Variants in MROH2A observed in about 807,000 individuals in gnomAD.
MROH2A encodes maestro heat like repeat family member 2A, also known as maestro heat-like repeat-containing protein family member 2A.
MROH2A carries 174 observed loss-of-function variants against 200.4 expected under a neutral mutation model. That is an observed-to-expected ratio of 0.87 (90% confidence interval 0.77 to 0.98). The LOEUF (loss-of-function observed/expected upper bound fraction) is 0.98, where lower values mean the gene tolerates loss of function less well. Ranked by LOEUF, MROH2A falls within the 50% of genes least tolerant of loss-of-function variation. MROH2A has a pLI of 0.00. For missense variants in MROH2A, 2,045 were observed against 2,139.6 expected (o/e 0.96, Z 0.87); for synonymous variants, 829 against 840.4 (o/e 0.99, Z 0.23).
In MROH2A at chr2:233,830,599, G is replaced by GGGTGGCCCAGGTGGGATGGCCCA. The variant is rs144999027; in HGVS notation, c.4603-787_4603-765dup. ...GTGGAGCGGGTGGCCCAGATGGCCT[G>GGGTGGCCCAGGTGGGATGGCCCA]GGTGGCCCAGGTGGGATGGCCCAGG... On this transcript the variant is annotated intron_variant, in intron 38 of 41. Transcript: ENST00000389758. Among the ~76,000 whole-genome samples the GGGTGGCCCAGGTGGGATGGCCCA allele has an allele frequency of 3.4e-4, 52 of 151,716 alleles. No homozygotes were observed. The Middle Eastern group carries it at 0.01, about 30-fold the overall frequency.
Position 233,829,679 on chromosome 2 carries a change from C to A in MROH2A, c.4506C>A (p.Val1502=), listed in dbSNP as rs1335726440. 25 of 1,490,742 alleles carry A rather than the reference C, an allele frequency of 1.7e-5. No individual in the cohort carries two copies. The highest frequency in any genetic ancestry group is 2.2e-5 in the Non-Finnish European group (25 of 1,117,830). 92.3% of individuals were successfully genotyped at this position (1,490,742 alleles called of 1,614,324 possible). Residue 1502 remains valine (V), a synonymous_variant, in exon 38 of 42, where the codon GTC becomes GTA. Transcript: ENST00000389758. ...TCTTTGGAAAGCTGGCAAGGGTGGTCGGGATGTCCAAGAAGCATTTCTTCA... is the reference window on the plus strand; with the variant it reads ...TCTTTGGAAAGCTGGCAAGGGTGGTAGGGATGTCCAAGAAGCATTTCTTCA... ...FILFGKLARV[V]GMSKKHFFKG... is the part of the protein sequence containing the mutation.
chr2:233,780,042 C>G lies in MROH2A; in HGVS notation c.276+190C>G, dbSNP rs1225603431. Among the ~76,000 whole-genome samples, 3 of 152,194 alleles carry G rather than the reference C, an allele frequency of 2.0e-5. No individual in the cohort carries two copies. In the East Asian group the frequency reaches 5.8e-4, roughly 29 times the overall value. ...GAGATGTTCATAATTTTTAAAAGTT[C>G]CCTTGTCTTCTGACACAGTGGGTTT... is the stretch of plus-strand genomic sequence containing the variant. On this transcript the variant is annotated intron_variant, in intron 3 of 41. Transcript: ENST00000389758.
intron 28 of MROH2A, among the ~76,000 whole-genome samples, 193 bp downstream of exon 28, chr2:233,818,318 G>A (rs1703687101): frequency 6.6e-6 from 1 of 152,196 alleles, no homozygotes; most frequent in South Asian, 2.1e-4. Context: ...CTTCCAGAAG[G>A]AGAGGTTCAT....
intron 31 of MROH2A, among the ~76,000 whole-genome samples, chr2:233,821,383 C>T (rs1259038091): frequency 6.6e-6 from 1 of 152,174 alleles, no homozygotes; most frequent in East Asian, 1.9e-4. Flanking sequence ...TACTCCTGCC[C>T]CCAGGCCCCC....
intron 1 of MROH2A, 44 bp from the exon 2 acceptor site, chr2:233,779,301 G>C: frequency 7.9e-7 from 1 of 1,260,810 alleles, no homozygotes; most frequent in Non-Finnish European, 1.1e-6. Context: ...ATCTTAAGGT[G>C]TGTGTCACAC....
chr2:233,793,852 T>G, intron 7 of MROH2A, 28 bp downstream of exon 7: 2 of 1,372,222 alleles, frequency 1.5e-6, no homozygotes, highest in Non-Finnish European at 1.9e-6. Context: ...TAGGAGGGCC[T>G]GGTGGTCCCC....
Position 233,819,349 on chromosome 2 carries a change from G to A in MROH2A, c.3237G>A (p.Val1079=). 6.4e-7 allele frequency: 1 copy of A among 1,550,500 alleles called. No homozygotes were observed. Among genetic ancestry groups the A allele is most frequent in the East Asian group, 2.4e-5 (1 of 40,916 alleles). Reference sequence around the variant, plus strand: ...GCATGGAGTTTAGCTGCGATGAGGTGGTCTCGCTCATCCAGAAGCTCTGCG... The same window carrying A: ...GCATGGAGTTTAGCTGCGATGAGGTAGTCTCGCTCATCCAGAAGCTCTGCG... ...VVCMEFSCDE[V]VSLIQKLCEN... Residue 1079 remains valine, a synonymous_variant, in exon 30 of 42, where the codon GTG becomes GTA. Transcript: ENST00000389758.
rs141259399 is a variant in MROH2A, at chr2:233,794,375, G to A, written c.835G>A (p.Val279Met). The part of the protein sequence containing the change: ...RHYNPEVKLG[V>M]IKSLKPMLGL... ...TTTCTGGTGGCAGGTGAAGCTGGGG[G>A]TGATCAAGTCCCTGAAGCCCATGCT... is the stretch of plus-strand genomic sequence containing the variant. The change falls in exon 8 of 42, where the codon GTG (valine) becomes ATG (methionine). Residue 279 changes from valine (V) to methionine (M), a missense_variant. Physicochemically the swap from Val to Met is conservative, Grantham distance 21 (BLOSUM62 1). Around this residue, in one of 3 missense-constraint regions of MROH2A, gnomAD observed 831 missense variants for 800.0 expected, o/e 1.04. Coordinates refer to ENST00000389758, the MANE Select transcript of MROH2A (RefSeq NM_001394639.1). The A allele has an allele frequency of 3.2e-4, 490 of 1,550,386 alleles. 2 individuals carry two copies. The African/African-American group carries it at 5.8e-3, about 18-fold the overall frequency.
intron 3 of MROH2A, among the ~76,000 whole-genome samples, chr2:233,781,112 A>G (rs772050142): frequency 6.6e-6 from 1 of 152,134 alleles, no homozygotes; most frequent in Non-Finnish European, 1.5e-5. Context: ...TGTGTATACC[A>G]CATTTTCTTT....
At position 233,828,520 on chromosome 2, in the gene MROH2A, C is replaced by A; in HGVS notation, c.4114-110C>A. On this transcript the variant is annotated intron_variant, in intron 35 of 41. Transcript: ENST00000389758. This position sits in a 1 kb window ranked among gnomAD's most constrained non-coding sequence, Gnocchi z 4.6. ...AAACGGAGGCTCTCAGAGCCCCTCC[C>A]CTCCTGTCCACAGAGCCACCAATCT... 1.5e-6 allele frequency: 2 copies of A among 1,351,258 alleles called. No individual in the cohort carries two copies. The highest frequency in any genetic ancestry group is 1.5e-5 in the South Asian group (1 of 68,600). 83.7% of individuals were successfully genotyped at this position (1,351,258 alleles called of 1,614,324 possible).
Position 233,796,017 on chromosome 2 carries a change from G to A in MROH2A, c.1110G>A (p.Met370Ile). ...ATCAGTACAGCAGCCAGAATCTGAT[G>A]GAGATGGTGCACTGCTTCGTAGCCC... is the stretch of plus-strand genomic sequence containing the variant. ...AQHQYSSQNL[M>I]EMVHCFVALA... Residue 370 changes from methionine to isoleucine, a missense_variant, in exon 10 of 42, where the codon ATG becomes ATA. This residue lies in a region of MROH2A where 831 missense variants were observed against 800.0 expected (regional missense o/e 1.04). Coordinates refer to ENST00000389758, the MANE Select transcript of MROH2A (RefSeq NM_001394639.1). 6.4e-7 allele frequency: 1 copy of A among 1,550,578 alleles called. No homozygotes were observed. The highest frequency in any genetic ancestry group is 8.7e-7 in the Non-Finnish European group (1 of 1,146,960).
chr2:233,829,544 AT>A (rs1170836124), intron 37 of MROH2A, 75 bp from the exon 38 acceptor site: 3 of 1,318,354 alleles, frequency 2.3e-6, no homozygotes, highest in African/African-American at 1.5e-5. Flanking sequence ...GGCATTGGGT[AT>A]TCCTTGGAGA....
rs1457354813 is a variant in MROH2A, at chr2:233,833,274, A to G, written c.*15A>G. 4 of 1,513,410 alleles carry G rather than the reference A, an allele frequency of 2.6e-6. No homozygotes were observed. Among genetic ancestry groups the G allele is most frequent in the Non-Finnish European group, 1.8e-6 (2 of 1,134,186 alleles). 93.7% of individuals were successfully genotyped at this position (1,513,410 alleles called of 1,614,324 possible). A position where few individuals can be genotyped will look rare whatever the true frequency, so the allele number is the denominator to read the frequency against. ...GAATGTCCTAGGTGGTCCAAACATA[A>G]GACGTAAACTGTCTTCTTAGTGCCA... On this transcript the variant is annotated 3_prime_UTR_variant, in exon 42 of 42. Transcript: ENST00000389758.
chr2:233,805,965 T>C (rs1346378672), intron 19 of MROH2A, among the ~76,000 whole-genome samples: 1 of 152,188 alleles, frequency 6.6e-6, no homozygotes, highest in Non-Finnish European at 1.5e-5. Flanking sequence ...TATAAAATTC[T>C]AGAAAAACAC....
intron 28 of MROH2A, 76 bp from the exon 29 acceptor site, chr2:233,818,576 C>CA: frequency 3.3e-6 from 3 of 901,048 alleles, no homozygotes; most frequent in Non-Finnish European, 5.4e-6. Flanking sequence ...AAAGCCAGGG[C>CA]AGGAGGTAGC....
chr2:233,832,455 G>A, intron 40 of MROH2A, 124 bp from the exon 41 acceptor site: 1 of 985,852 alleles, frequency 1.0e-6, no homozygotes, highest in Non-Finnish European at 1.5e-6. Context: ...CTTCCTCCCT[G>A]CCAACGTGGG....
intron 5 of MROH2A, among the ~76,000 whole-genome samples, chr2:233,792,274 T>C (rs1701815672): frequency 6.6e-6 from 1 of 151,898 alleles, no homozygotes; most frequent in Non-Finnish European, 1.5e-5. Context: ...TTTCCTCCCC[T>C]TTTGCCTGGC....
rs1364321631 is a variant in MROH2A at position 233,828,564 on chromosome 2, C to T, written c.4114-66C>T. ...CCAATCTGCATTACCTCTCCTCCCACGTCCCACCTTGCTGCTGAGAAATGA... is the reference window on the plus strand; with the variant it reads ...CCAATCTGCATTACCTCTCCTCCCATGTCCCACCTTGCTGCTGAGAAATGA... On this transcript the variant is annotated intron_variant, in intron 35 of 41. Transcript: ENST00000389758. This position sits in a 1 kb window ranked among gnomAD's most constrained non-coding sequence, Gnocchi z 4.6. 35 of 1,522,272 alleles carry T rather than the reference C, an allele frequency of 2.3e-5. No homozygotes were observed. In the South Asian group the frequency reaches 2.6e-4, roughly 11 times the overall value. 94.3% of individuals were successfully genotyped at this position (1,522,272 alleles called of 1,614,324 possible). A position where few individuals can be genotyped will look rare whatever the true frequency, so the allele number is the denominator to read the frequency against.
rs186237380 is a variant in MROH2A at position 233,827,863 on chromosome 2, A to G, written c.4114-767A>G. 7.2e-5 allele frequency among the ~76,000 whole-genome samples: 11 copies of G among 152,084 alleles called. No homozygotes were observed. In the East Asian group the frequency reaches 1.9e-3, roughly 27 times the overall value. On this transcript the variant is annotated intron_variant, in intron 35 of 41. Coordinates refer to ENST00000389758, the MANE Select transcript of MROH2A (RefSeq NM_001394639.1). ...AGTGTGGGGGCTTTACTCTTCAGGA[A>G]TTTTCCCTGAAGAGCATTTAAAATA...
Sources: allele counts gnomAD v4.1 joint callset (sites outside exome capture counted in the v4.1 genomes callset), GRCh38; gene constraint gnomAD v4.1.1; regional missense constraint gnomAD v4.1.1; non-coding constraint Gnocchi (gnomAD v3.1); transcripts MANE v1.5; gene names NCBI Gene and HGNC (gene_info 2026-07-23, HGNC 2026-07-21).